The following KIFAP3 variants were observed in gnomAD, a reference collection of about 807,000 sequenced individuals.
KIFAP3 encodes the protein kinesin associated protein 3.
In KIFAP3, 68 loss-of-function variants were observed where a neutral mutation model predicts 106.5. That is an observed-to-expected ratio of 0.64 (90% CI 0.53 to 0.78). The LOEUF is 0.78. Among genes scored for constraint, KIFAP3 ranks in the 30% least tolerant of loss-of-function variants. The pLI, the probability that KIFAP3 is intolerant of heterozygous loss-of-function variation, is 0.00. For missense variants in KIFAP3, 780 were observed against 941.8 expected (o/e 0.83, Z 2.25); for synonymous variants, 320 against 311.5 (o/e 1.03, Z -0.29).
intron 10 of KIFAP3, among the ~76,000 whole-genome samples, chr1:169,999,695 A>AC (rs1222331464): frequency 6.6e-6 from 1 of 152,154 alleles, no homozygotes; most frequent in Admixed American, 6.6e-5. Context: ...ACAGGAATTC[A>AC]CCGTTAATTA....
intron 10 of KIFAP3, among the ~76,000 whole-genome samples, chr1:170,001,005 T>TTC (rs10625494): frequency 0.94 from 142,511 of 152,108 alleles, 66,839 homozygotes; most frequent in East Asian, 1. Flanking sequence ...AAGCTAAACA[T>TTC]TGTTTTTAGA....
At chr1:170,064,899 T>C (rs1671358413) in intron 1 of KIFAP3, among the ~76,000 whole-genome samples, 1 of 152,222 alleles carries the variant, frequency 6.6e-6, no homozygotes, top group Non-Finnish European at 1.5e-5. Flanking sequence ...TTAGATTAAA[T>C]TTGCATCCTT....
At chr1:169,942,101 T>C (rs1191242313) in intron 19 of KIFAP3, among the ~76,000 whole-genome samples, 1 of 152,238 alleles carries the variant, frequency 6.6e-6, no homozygotes, top group Non-Finnish European at 1.5e-5. Context: ...TTTGAAATCC[T>C]TGAAATTCCC....
intron 19 of KIFAP3, among the ~76,000 whole-genome samples, chr1:169,939,891 G>C (rs1327239960): frequency 6.6e-6 from 1 of 152,160 alleles, no homozygotes; most frequent in Non-Finnish European, 1.5e-5. Context: ...GACAAGAGTG[G>C]GGAAGTTGAA....
intron 5 of KIFAP3, among the ~76,000 whole-genome samples, chr1:170,037,726 G>A (rs555858630): frequency 5.9e-5 from 9 of 152,074 alleles, no homozygotes; most frequent in African/African-American, 1.9e-4. Flanking sequence ...AGCGGAGATC[G>A]CGCCACTGCA....
intron 9 of KIFAP3, among the ~76,000 whole-genome samples, chr1:170,021,434 G>GTTTTTTTTTTTTTTTTTTT (rs746455008): frequency 2.6e-5 from 3 of 113,786 alleles, no homozygotes; most frequent in African/African-American, 6.8e-5. Context: ...TTGTTATTAA[G>GTTTTTTTTTTTTTTTTTTT]TTTTTTTTTT....
chr1:169,979,396 T>G (rs576747702), intron 15 of KIFAP3, among the ~76,000 whole-genome samples: 1 of 152,132 alleles, frequency 6.6e-6, no homozygotes, highest in Non-Finnish European at 1.5e-5. Flanking sequence ...TGGGGCATTA[T>G]CTCTAGATGA....
chr1:170,020,200 C>T (rs2102011560), intron 9 of KIFAP3, among the ~76,000 whole-genome samples: 1 of 152,168 alleles, frequency 6.6e-6, no homozygotes, highest in South Asian at 2.1e-4. Flanking sequence ...TGGAAAAATC[C>T]AATATGGTCA....
intron 17 of KIFAP3, among the ~76,000 whole-genome samples, chr1:169,969,845 G>T (rs1180210324): frequency 6.6e-6 from 1 of 152,020 alleles, no homozygotes; most frequent in African/African-American, 2.4e-5. Context: ...GTTCTCTGGG[G>T]TCTAGATTGT....
At chr1:170,002,260 C>A (rs1667701783) in intron 10 of KIFAP3, among the ~76,000 whole-genome samples, 1 of 152,084 alleles carries the variant, frequency 6.6e-6, no homozygotes, top group Non-Finnish European at 1.5e-5. Context: ...GTAATCTAGA[C>A]AAAAATGAAT....
chr1:169,946,668 C>T (rs1488117757), intron 19 of KIFAP3, among the ~76,000 whole-genome samples: 2 of 151,980 alleles, frequency 1.3e-5, no homozygotes, highest in Non-Finnish European at 2.9e-5. Context: ...TAACCTCACA[C>T]ACTTTTTAAT....
chr1:169,930,286 C>T (rs648576), intron 19 of KIFAP3, among the ~76,000 whole-genome samples: 36,032 of 151,990 alleles, frequency 0.24, 4,658 homozygotes, highest in Middle Eastern at 0.32. Context: ...GAGCGCTTGT[C>T]GTGTACTGTC....
At chr1:169,936,897 C>A (rs1663836021) in intron 19 of KIFAP3, among the ~76,000 whole-genome samples, 1 of 150,232 alleles carries the variant, frequency 6.7e-6, no homozygotes, top group South Asian at 2.1e-4. Context: ...ATTATTTATT[C>A]TATTTACACT....
intron 17 of KIFAP3, among the ~76,000 whole-genome samples, chr1:169,970,949 G>T (rs1027995234): frequency 6.6e-6 from 1 of 152,038 alleles, no homozygotes. Flanking sequence ...GAAGAGAAAA[G>T]AGACACAGGG....
chr1:169,958,913 T>C (rs1665173223), intron 18 of KIFAP3, among the ~76,000 whole-genome samples: 1 of 152,190 alleles, frequency 6.6e-6, no homozygotes, highest in African/African-American at 2.4e-5. Flanking sequence ...TTTCACATAA[T>C]ACTAAGATTT....
rs988527713 is a variant in KIFAP3, at chr1:169,978,011, A to AC, written c.1897+73_1897+74insG. 10 of 1,023,848 alleles carry AC rather than the reference A, an allele frequency of 9.8e-6. No individual in the cohort carries two copies. The African/African-American group carries it at 1.5e-4, about 15-fold the overall frequency. The allele number at this position is 1,023,848 out of a possible 1,614,324, so 63.4% of individuals were successfully genotyped here. On this transcript the variant is annotated intron_variant, in intron 16 of 19. Transcript: ENST00000361580. ...TACGTTATTTCAACATTTGCAAAAA[A>AC]AAAAACAACTCAAAGATGCATCTTT...
chr1:170,008,340 G>A (rs1332155585), intron 10 of KIFAP3, among the ~76,000 whole-genome samples: 1 of 151,422 alleles, frequency 6.6e-6, no homozygotes, highest in Non-Finnish European at 1.5e-5. Flanking sequence ...GCAACCTACA[G>A]AATGGGAGAA....
At chr1:169,998,638 A>C (rs1418210729) in intron 10 of KIFAP3, among the ~76,000 whole-genome samples, 1 of 152,216 alleles carries the variant, frequency 6.6e-6, no homozygotes, top group African/African-American at 2.4e-5. Context: ...GGAATGAAAA[A>C]GATATAAACT....
intron 2 of KIFAP3, among the ~76,000 whole-genome samples, chr1:170,054,807 CA>C (rs1262925841): frequency 2.0e-5 from 3 of 151,462 alleles, no homozygotes; most frequent in African/African-American, 4.9e-5. Context: ...CAGGGCCTGT[CA>C]GGGGGTGGGG....
Sources: allele counts gnomAD v4.1 joint callset (sites outside exome capture counted in the v4.1 genomes callset), GRCh38; gene constraint gnomAD v4.1.1; transcripts MANE v1.5; gene names NCBI Gene and HGNC (gene_info 2026-07-23, HGNC 2026-07-21).